Variants in SCAF8 observed in about 807,000 individuals in gnomAD.
SCAF8 encodes the protein SR-related and CTD-associated factor 8.
SCAF8 carries 23 observed loss-of-function variants against 140.5 expected under a neutral mutation model. The observed-to-expected ratio is 0.16, with a 90% CI of 0.12 to 0.23. The LOEUF (loss-of-function observed/expected upper bound fraction) is 0.23. Ranked by LOEUF, SCAF8 falls within the 10% of genes least tolerant of loss-of-function variation. The probability of loss-of-function intolerance (pLI) is 1.00; values close to 1 mark genes in which losing one functional copy is unlikely to be tolerated. For synonymous variants in SCAF8, 575 were observed against 528.9 expected, an observed-to-expected ratio of 1.09 and a Z score of -1.20; for missense variants, 1,397 against 1,555.7, an observed-to-expected ratio of 0.90 and a Z score of 1.72.
chr6:154,733,556 G>A lies in SCAF8; in HGVS notation c.-345G>A. On this transcript the variant is annotated 5_prime_UTR_variant, in exon 1 of 20. Coordinates refer to ENST00000367178, the MANE Select transcript of SCAF8 (RefSeq NM_014892.5). ...GGCAGAAGGGAGTGGAGAGTGTAGGGGAAGGGGCTAGAGGGAGGGGGACCG... is the reference window on the plus strand; with the variant it reads ...GGCAGAAGGGAGTGGAGAGTGTAGGAGAAGGGGCTAGAGGGAGGGGGACCG... 4 of 1,287,644 alleles carry A rather than the reference G, an allele frequency of 3.1e-6. No individual in the cohort carries two copies. The highest frequency in any genetic ancestry group is 1.5e-5 in the African/African-American group (1 of 64,750). 79.8% of individuals were successfully genotyped at this position (1,287,644 alleles called of 1,614,324 possible).
intron 1 of SCAF8, among the ~76,000 whole-genome samples, chr6:154,743,065 G>A (rs1778612140): frequency 6.6e-6 from 1 of 152,082 alleles, no homozygotes; most frequent in South Asian, 2.1e-4. Flanking sequence ...AGCAGTTTGT[G>A]TATTGAACTT....
At chr6:154,769,747 A>G (rs1776682781) in intron 1 of SCAF8, among the ~76,000 whole-genome samples, 1 of 152,216 alleles carries the variant, frequency 6.6e-6, no homozygotes, top group Admixed American at 6.5e-5. Flanking sequence ...CTTTCTGTAC[A>G]AAGCTTGTTT....
intron 15 of SCAF8, among the ~76,000 whole-genome samples, chr6:154,821,692 C>A (rs190224643): frequency 1.3e-3 from 197 of 152,138 alleles, no homozygotes; most frequent in African/African-American, 4.2e-3. Flanking sequence ...TGTTTGTATT[C>A]AAAAATAAGA....
intron 16 of SCAF8, among the ~76,000 whole-genome samples, chr6:154,823,736 A>G (rs552624398): frequency 5.3e-5 from 8 of 152,348 alleles, no homozygotes; most frequent in Non-Finnish European, 8.8e-5. Context: ...GGGATGTTGA[A>G]TAGACACTTG....
At chr6:154,738,488 A>C (rs543089442) in intron 1 of SCAF8, among the ~76,000 whole-genome samples, 1 of 152,300 alleles carries the variant, frequency 6.6e-6, no homozygotes, top group African/African-American at 2.4e-5. Flanking sequence ...GCCCCATGCT[A>C]ATTTTGTGGG....
At chr6:154,766,669 CT>C (rs56995922) in intron 1 of SCAF8, among the ~76,000 whole-genome samples, 240 of 82,406 alleles carry the variant, frequency 2.9e-3, no homozygotes, top group African/African-American at 0.011. Context: ...ACCCCCCCCC[CT>C]TTTTTTTTTT....
chr6:154,803,571 G>A lies in SCAF8; in HGVS notation c.811G>A (p.Glu271Lys). The change falls in exon 8 of 20, where the codon GAA (glutamate) becomes AAA (lysine). Residue 271 changes from glutamate (E) to lysine (K), a missense_variant. Physicochemically the swap from Glu to Lys is moderately conservative, Grantham distance 56. This residue lies in a region of SCAF8 where 339 missense variants were observed against 407.5 expected (regional missense o/e 0.83). Transcript: ENST00000367178. Reference sequence around the variant, plus strand: ...GTTGATGGATAGGTTTGATTTTGGGGAAGACTCTGAGCATAGTGAAGAACC... The same window carrying A: ...GTTGATGGATAGGTTTGATTTTGGGAAAGACTCTGAGCATAGTGAAGAACC... The part of the protein sequence containing the change: ...KKLMDRFDFG[E>K]DSEHSEEPKK... The A allele has an allele frequency of 6.2e-7, 1 of 1,612,522 alleles. No homozygotes were observed. The highest frequency in any genetic ancestry group is 8.5e-7 in the Non-Finnish European group (1 of 1,179,336).
At chr6:154,738,498 G>A (rs1306579452) in intron 1 of SCAF8, among the ~76,000 whole-genome samples, 1 of 152,128 alleles carries the variant, frequency 6.6e-6, no homozygotes, top group Admixed American at 6.5e-5. Flanking sequence ...AATTTTGTGG[G>A]AGAAAAATAA....
At chr6:154,799,866 C>T (rs976863623) in intron 6 of SCAF8, among the ~76,000 whole-genome samples, 2 of 151,040 alleles carry the variant, frequency 1.3e-5, no homozygotes, top group African/African-American at 4.8e-5. Context: ...CTCATTGCAA[C>T]CTTGGCCTCC....
intron 11 of SCAF8, 144 bp downstream of exon 11, chr6:154,808,942 G>T (rs866274218): frequency 1.6e-6 from 1 of 612,838 alleles, no homozygotes; most frequent in Middle Eastern, 4.1e-4. Context: ...CCAAAAACAA[G>T]ATAACCTTTG....
In SCAF8 at chr6:154,733,623, C is replaced by T; in HGVS notation, c.-278C>T. 1 of 1,295,366 alleles carries T rather than the reference C, an allele frequency of 7.7e-7. No individual in the cohort carries two copies. Among genetic ancestry groups the T allele is most frequent in the Non-Finnish European group, 9.7e-7 (1 of 1,025,892 alleles). 80.2% of individuals were successfully genotyped at this position (1,295,366 alleles called of 1,614,324 possible). A position where few individuals can be genotyped will look rare whatever the true frequency, so the allele number is the denominator to read the frequency against. ...AGAAGAGAAGGCGCCGCGGCCCAGC[C>T]CCTCCCCCGCCCGCCGCCGACCCGC... On this transcript the variant is annotated 5_prime_UTR_variant, in exon 1 of 20. Transcript: ENST00000367178.
intron 6 of SCAF8, 119 bp from the exon 7 acceptor site, chr6:154,801,852 G>T: frequency 1.6e-6 from 1 of 617,586 alleles, no homozygotes; most frequent in Non-Finnish European, 2.8e-6. Flanking sequence ...TATTAATAGT[G>T]TGTATTTTTT....
At chr6:154,822,966 G>T (rs991853954) in intron 16 of SCAF8, among the ~76,000 whole-genome samples, 1 of 152,150 alleles carries the variant, frequency 6.6e-6, no homozygotes, top group Non-Finnish European at 1.5e-5. Flanking sequence ...GCGTAAGGCT[G>T]ATCTATTTTA....
chr6:154,833,318 A>T lies in SCAF8; in HGVS notation c.3739A>T (p.Asn1247Tyr). 6.2e-7 allele frequency: 1 copy of T among 1,614,058 alleles called. No homozygotes were observed. The highest frequency in any genetic ancestry group is 8.5e-7 in the Non-Finnish European group (1 of 1,179,966). ...YEKLTSSNEI[N>Y]KEKSDTVADI... ...AAAACTGACATCTTCAAATGAAATA[A>T]ACAAGGAGAAGAGTGACACAGTTGC... The change falls in exon 20 of 20, where the codon AAC becomes TAC. Residue 1247 changes from asparagine to tyrosine, a missense_variant. Asn to Tyr is a moderately radical substitution (Grantham distance 143, BLOSUM62 -2). Around this residue, in one of 5 missense-constraint regions of SCAF8, gnomAD observed 930 missense variants for 874.6 expected, o/e 1.06. Transcript: ENST00000367178.
rs571354260 is a variant in SCAF8 at position 154,777,892 on chromosome 6, G to C, written c.115-109G>C. 2.3e-4 allele frequency: 156 copies of C among 679,526 alleles called. 1 individual carries two copies. Among genetic ancestry groups the C allele is most frequent in the Middle Eastern group, 1.6e-3 (6 of 3,678 alleles). 42.1% of individuals were successfully genotyped at this position (679,526 alleles called of 1,614,324 possible). A position where few individuals can be genotyped will look rare whatever the true frequency, so the allele number is the denominator to read the frequency against. ...TGTTTGTCTCAAAATTCTTGGTTAAGATAATTGTTTTGATAGACCTTTGGA... is the reference window on the plus strand; with the variant it reads ...TGTTTGTCTCAAAATTCTTGGTTAACATAATTGTTTTGATAGACCTTTGGA... On this transcript the variant is annotated intron_variant, in intron 2 of 19. Coordinates refer to ENST00000367178, the MANE Select transcript of SCAF8 (RefSeq NM_014892.5).
Position 154,822,273 on chromosome 6 carries a change from T to C in SCAF8, c.1793-3T>C, listed in dbSNP as rs368991541. ...GGAAATCAATTTCAACTATTTTGTT[T>C]AGAGTGGGAAACTGTGAAAAGCTCA... On this transcript the variant is annotated splice_region_variant and splice_polypyrimidine_tract_variant and intron_variant, in intron 15 of 19. Coordinates refer to ENST00000367178, the MANE Select transcript of SCAF8 (RefSeq NM_014892.5). 1.9e-6 allele frequency: 3 copies of C among 1,599,674 alleles called. No individual in the cohort carries two copies. Among genetic ancestry groups the C allele is most frequent in the South Asian group, 2.3e-5 (2 of 88,130 alleles).
intron 6 of SCAF8, among the ~76,000 whole-genome samples, chr6:154,795,655 T>A (rs1777580220): frequency 6.6e-6 from 1 of 151,982 alleles, no homozygotes; most frequent in East Asian, 1.9e-4. Context: ...GACAGGAGGA[T>A]AGGAAATAGA....
Position 154,808,796 on chromosome 6 carries a change from A to C in SCAF8, c.1224A>C (p.Ser408=). ...SRSRTHSRSR[S]RSPRKRRSRS... Reference sequence around the variant, plus strand: ...CAAGAACACATTCACGATCTCGTTCAAGGTTCTACAATGATATTTAATAAT... The same window carrying C: ...CAAGAACACATTCACGATCTCGTTCCAGGTTCTACAATGATATTTAATAAT... Residue 408 remains serine, a splice_region_variant and synonymous_variant, in exon 11 of 20, where the codon TCA becomes TCC. Transcript: ENST00000367178. The C allele has an allele frequency of 6.3e-7, 1 of 1,596,306 alleles. No individual in the cohort carries two copies. The highest frequency in any genetic ancestry group is 8.6e-7 in the Non-Finnish European group (1 of 1,164,116).
At chr6:154,790,752 T>C (rs1353351197) in intron 4 of SCAF8, among the ~76,000 whole-genome samples, 2 of 152,012 alleles carry the variant, frequency 1.3e-5, no homozygotes, top group African/African-American at 2.4e-5. Context: ...CCTTGTGATC[T>C]GTCCGCCTTG....
Sources: gnomAD v4.1 joint callset for allele counts (sites outside exome capture counted in the v4.1 genomes callset) on GRCh38, gnomAD v4.1.1 for gene constraint, gnomAD v4.1.1 regional missense constraint, MANE v1.5 for transcripts, NCBI Gene and HGNC (gene_info 2026-07-23, HGNC 2026-07-21) for gene names.